The following PTPRM variants were observed in gnomAD, a reference collection of about 807,000 sequenced individuals.
PTPRM encodes the protein receptor-type tyrosine-protein phosphatase mu.
A neutral mutation model predicts 186.7 loss-of-function variants in PTPRM; 47 were observed. The ratio of observed to expected loss-of-function variants is 0.25; its 90% confidence interval spans 0.20 to 0.32. The LOEUF is 0.32. Ranked by LOEUF, PTPRM falls within the 10% of genes least tolerant of loss-of-function variation. The probability of loss-of-function intolerance (pLI) is 1.00; values close to 1 mark genes in which losing one functional copy is unlikely to be tolerated. For synonymous variants in PTPRM, 668 were observed against 674.9 expected (o/e 0.99, Z 0.16); for missense variants, 1,494 against 1,865.0 (o/e 0.80, Z 3.66).
At chr18:8,131,875 G>GC (rs2092519456) in intron 13 of PTPRM, among the ~76,000 whole-genome samples, 1 of 152,196 alleles carries the variant, frequency 6.6e-6, no homozygotes, top group African/African-American at 2.4e-5. Flanking sequence ...CTTGGCACCT[G>GC]CCTAGGAGTT....
rs554844200 is a variant in PTPRM at position 8,132,021 on chromosome 18, G to A, written c.2168-11626G>A. Among the ~76,000 whole-genome samples, 8 of 152,232 alleles carry A rather than the reference G, an allele frequency of 5.3e-5. No individual in the cohort carries two copies. In the East Asian group the frequency reaches 1.5e-3, roughly 29 times the overall value. On this transcript the variant is annotated intron_variant, in intron 13 of 32. Transcript: ENST00000580170. ...TTTAATATGTGTAATTTACTTATTGGTGTTGCTAATGATGCAGTTATTAAT... is the reference window on the plus strand; with the variant it reads ...TTTAATATGTGTAATTTACTTATTGATGTTGCTAATGATGCAGTTATTAAT...
At chr18:8,262,419 T>C (rs1246097658) in intron 19 of PTPRM, among the ~76,000 whole-genome samples, 1 of 152,246 alleles carries the variant, frequency 6.6e-6, no homozygotes, top group African/African-American at 2.4e-5. Flanking sequence ...GACCTCACTC[T>C]GTGTTTCAGA....
chr18:7,907,198 A>G (rs1049138047), intron 4 of PTPRM, among the ~76,000 whole-genome samples: 1 of 152,246 alleles, frequency 6.6e-6, no homozygotes, highest in Non-Finnish European at 1.5e-5. Context: ...CTTAAATAAA[A>G]TAGTACAAAT....
Position 7,842,947 on chromosome 18 carries a change from T to TATATATATATAG in PTPRM, c.197-45158_197-45157insTATATATATAGA, listed in dbSNP as rs370746043. Among the ~76,000 whole-genome samples, 36 of 112,112 alleles carry TATATATATATAG rather than the reference T, an allele frequency of 3.2e-4. 1 individual carries two copies. Among genetic ancestry groups the TATATATATATAG allele is most frequent in the African/African-American group, 1.3e-3 (30 of 23,786 alleles). The allele number at this position is 112,112 out of a possible 152,430, so 73.5% of individuals were successfully genotyped here. On this transcript the variant is annotated intron_variant, in intron 2 of 32. Coordinates refer to ENST00000580170, the MANE Select transcript of PTPRM (RefSeq NM_001105244.2). Reference sequence around the variant, plus strand: ...GTGTGTGTGTATATATATATATATATAGAGAGAGAGAGAGAGAGAGAGAGA... The same window carrying TATATATATATAG: ...GTGTGTGTGTATATATATATATATATATATATATATAGAGAGAGAGAGAGAGAGAGAGAGAGA...
intron 31 of PTPRM, among the ~76,000 whole-genome samples, chr18:8,387,444 G>A (rs1026169004): frequency 1.3e-5 from 2 of 150,714 alleles, no homozygotes; most frequent in Admixed American, 6.6e-5. Context: ...TGCCGCTGCC[G>A]CACAAGCAAG....
At chr18:8,300,924 A>G (rs528268763) in intron 20 of PTPRM, among the ~76,000 whole-genome samples, 1 of 152,288 alleles carries the variant, frequency 6.6e-6, no homozygotes, top group South Asian at 2.1e-4. Flanking sequence ...CCACACACAC[A>G]TAATGACCCA....
At chr18:8,097,360 T>C (rs1325283176) in intron 11 of PTPRM, among the ~76,000 whole-genome samples, 1 of 152,182 alleles carries the variant, frequency 6.6e-6, no homozygotes, top group South Asian at 2.1e-4. Flanking sequence ...TTCCATCTCA[T>C]CTCTACTTCT....
intron 13 of PTPRM, among the ~76,000 whole-genome samples, chr18:8,120,289 G>C (rs1007831675): frequency 1.3e-5 from 2 of 152,038 alleles, no homozygotes; most frequent in African/African-American, 4.8e-5. Flanking sequence ...GCAGAACATA[G>C]AGATCATATA....
chr18:7,656,613 G>T (rs1468778053), intron 1 of PTPRM, among the ~76,000 whole-genome samples: 2 of 152,162 alleles, frequency 1.3e-5, no homozygotes, highest in East Asian at 3.8e-4. Context: ...AAAGTTCAGT[G>T]GTTGGGGATG....
intron 1 of PTPRM, among the ~76,000 whole-genome samples, chr18:7,718,093 A>G (rs575091531): frequency 2.8e-4 from 42 of 152,236 alleles, no homozygotes; most frequent in Admixed American, 1.2e-3. Context: ...CCAAAAAAAA[A>G]GCCTGAATAG....
At chr18:8,357,385 T>C (rs1225976875) in intron 23 of PTPRM, among the ~76,000 whole-genome samples, 2 of 152,314 alleles carry the variant, frequency 1.3e-5, no homozygotes, top group Non-Finnish European at 2.9e-5. Context: ...TTTGAAGAAA[T>C]ATATCCTTTT....
At chr18:8,083,793 G>A (rs1467564576) in intron 9 of PTPRM, among the ~76,000 whole-genome samples, 1 of 152,120 alleles carries the variant, frequency 6.6e-6, no homozygotes, top group African/African-American at 2.4e-5. Context: ...TTCCAGGCAG[G>A]TGAAAGCTTA....
intron 1 of PTPRM, among the ~76,000 whole-genome samples, chr18:7,637,953 C>T (rs1370439871): frequency 6.6e-6 from 1 of 152,174 alleles, no homozygotes; most frequent in South Asian, 2.1e-4. Context: ...TTAATTTAAG[C>T]ATGAAGAACT....
At chr18:8,160,260 G>A (rs1287330098) in intron 14 of PTPRM, among the ~76,000 whole-genome samples, 1 of 152,002 alleles carries the variant, frequency 6.6e-6, no homozygotes, top group Non-Finnish European at 1.5e-5. Flanking sequence ...GGGAAGTCAG[G>A]GAGAACTTTA....
chr18:7,814,125 C>T, intron 2 of PTPRM: 1 of 152,116 alleles, frequency 6.6e-6, no homozygotes, highest in South Asian at 2.1e-4. Flanking sequence ...TGGTATACAA[C>T]TTGTGAGGTT....
intron 2 of PTPRM, among the ~76,000 whole-genome samples, chr18:7,833,590 C>T (rs4798599): frequency 0.66 from 99,651 of 151,846 alleles, 33,200 homozygotes; most frequent in East Asian, 0.96. Context: ...AAAAATTAGC[C>T]GGGCATGGTG....
intron 22 of PTPRM, among the ~76,000 whole-genome samples, chr18:8,342,140 A>C (rs1373980364): frequency 6.6e-6 from 1 of 152,220 alleles, no homozygotes; most frequent in Non-Finnish European, 1.5e-5. Context: ...AACATTACAC[A>C]AGAACCGATT....
At chr18:7,802,490 G>C (rs1296430793) in intron 2 of PTPRM, among the ~76,000 whole-genome samples, 2 of 151,996 alleles carry the variant, frequency 1.3e-5, no homozygotes, top group African/African-American at 4.8e-5. Flanking sequence ...GGGGAGCCCT[G>C]GTGACAGAGG....
Position 8,247,911 on chromosome 18 carries a change from A to G in PTPRM, c.2519A>G (p.Tyr840Cys), listed in dbSNP as rs142726956. ...CTGAGCACATCGGTGCCTAATTCCT[A>G]TTACCCAGGTAACAGTTTTTTCCAT... ...NTLSTSVPNS[Y>C]YPDPFVPTAI... Residue 840 changes from tyrosine (Y) to cysteine (C), a missense_variant, in exon 16 of 33, where the codon TAT becomes TGT. By Grantham distance (194) the Tyr-to-Cys change is radical. Around this residue, in one of 3 missense-constraint regions of PTPRM, gnomAD observed 1,107 missense variants for 1,350.2 expected, o/e 0.82. Coordinates refer to ENST00000580170, the MANE Select transcript of PTPRM (RefSeq NM_001105244.2). 12 of 1,590,854 alleles carry G rather than the reference A, an allele frequency of 7.5e-6. No individual in the cohort carries two copies. Among genetic ancestry groups the G allele is most frequent in the African/African-American group, 6.7e-5 (5 of 74,324 alleles).
Sources: gnomAD v4.1 joint callset for allele counts (sites outside exome capture counted in the v4.1 genomes callset) on GRCh38, gnomAD v4.1.1 for gene constraint, gnomAD v4.1.1 regional missense constraint, MANE v1.5 for transcripts, NCBI Gene and HGNC (gene_info 2026-07-23, HGNC 2026-07-21) for gene names.